Variants in STPG2 observed in about 807,000 individuals in gnomAD.
STPG2 encodes sperm tail PG-rich repeat containing 2, also known as sperm-tail PG-rich repeat-containing protein 2.
STPG2 carries 56 observed loss-of-function variants against 54.2 expected under a neutral mutation model. The ratio of observed to expected loss-of-function variants is 1.03; its 90% confidence interval spans 0.83 to 1.29. The LOEUF is 1.29. Among genes scored for constraint, STPG2 ranks in the 50% most tolerant of loss-of-function variants. STPG2 has a pLI of 0.00. For synonymous variants in STPG2, 200 were observed against 181.8 expected (o/e 1.10, Z -0.81); for missense variants, 596 against 544.9 (o/e 1.09, Z -0.93).
chr4:98,066,245 T>C (rs1737831732), intron 5 of STPG2, among the ~76,000 whole-genome samples: 3 of 152,198 alleles, frequency 2.0e-5, no homozygotes, highest in African/African-American at 7.2e-5. Context: ...ATATAGTATG[T>C]ATTAATGCAT....
chr4:97,537,258 C>T (rs554037105), intron 4 of STPG2, among the ~76,000 whole-genome samples: 8 of 152,256 alleles, frequency 5.3e-5, no homozygotes, highest in South Asian at 4.1e-4. Context: ...TCACCTCACC[C>T]GGGAAGCACA....
intron 5 of STPG2, among the ~76,000 whole-genome samples, chr4:98,005,867 A>G (rs1009402528): frequency 4.6e-5 from 7 of 152,180 alleles, no homozygotes; most frequent in Non-Finnish European, 7.3e-5. Flanking sequence ...TGCTATCAGG[A>G]TAATTCTGGG....
chr4:97,806,821 G>T (rs540628164), intron 9 of STPG2, among the ~76,000 whole-genome samples: 1 of 152,184 alleles, frequency 6.6e-6, no homozygotes, highest in African/African-American at 2.4e-5. Context: ...AAATTGCTAA[G>T]CCTTTATCTT....
chr4:98,128,500 A>G lies in STPG2; in HGVS notation c.315T>C (p.Asp105=). The change falls in exon 3 of 11, where the codon GAT becomes GAC. Residue 105 remains aspartate, a synonymous_variant. Transcript: ENST00000295268. ...GKSYGYHIND[D]GSIIKCFPPA... is the part of the protein sequence containing the mutation. Reference sequence around the variant, plus strand: ...GTGGAAAACATTTTATAATACTGCCATCATCATTAATATGATAACCATATG... The same window carrying G: ...GTGGAAAACATTTTATAATACTGCCGTCATCATTAATATGATAACCATATG... The G allele has an allele frequency of 6.2e-7, 1 of 1,613,696 alleles. No individual in the cohort carries two copies. Among genetic ancestry groups the G allele is most frequent in the Admixed American group, 1.7e-5 (1 of 59,992 alleles).
At chr4:97,776,581 G>T (rs111825244) in intron 9 of STPG2, among the ~76,000 whole-genome samples, 1,893 of 152,250 alleles carry the variant, frequency 0.012, 35 homozygotes, top group African/African-American at 0.043. Context: ...ACAGTAAAGA[G>T]AACAAAGTTC....
chr4:97,811,673 TG>T (rs1233810204), intron 9 of STPG2, among the ~76,000 whole-genome samples: 9 of 150,902 alleles, frequency 6.0e-5, no homozygotes, highest in Admixed American at 5.2e-4. Context: ...GGAGAATATG[TG>T]GTAATAAAGT....
At chr4:97,980,588 A>C (rs1228800645) in intron 6 of STPG2, among the ~76,000 whole-genome samples, 1 of 152,126 alleles carries the variant, frequency 6.6e-6, no homozygotes, top group Non-Finnish European at 1.5e-5. Context: ...TGAATAACAG[A>C]CCCATCTGAG....
chr4:97,934,549 T>A (rs1732676953), intron 8 of STPG2, among the ~76,000 whole-genome samples: 2 of 152,186 alleles, frequency 1.3e-5, no homozygotes, highest in Non-Finnish European at 2.9e-5. Context: ...ATACCTAGTT[T>A]ATTGAGGGTT....
At chr4:97,484,732 A>T (rs1447025217) in intron 4 of STPG2, among the ~76,000 whole-genome samples, 2 of 151,668 alleles carry the variant, frequency 1.3e-5, no homozygotes, top group African/African-American at 4.8e-5. Flanking sequence ...TCACCTTAAT[A>T]CCAACCAGGA....
intron 8 of STPG2, among the ~76,000 whole-genome samples, chr4:97,881,075 T>A (rs1730353160): frequency 6.6e-6 from 1 of 150,722 alleles, no homozygotes; most frequent in Non-Finnish European, 1.5e-5. Context: ...ATAAAGGAAG[T>A]GGGCATACAT....
chr4:97,981,849 ATATAT>A (rs1734690165), intron 5 of STPG2, among the ~76,000 whole-genome samples: 1 of 147,838 alleles, frequency 6.8e-6, no homozygotes, highest in African/African-American at 2.5e-5. Flanking sequence ...ATATATATAT[ATATAT>A]AACTATAAAT....
chr4:97,590,480 A>T (rs1397123994), intron 10 of STPG2, among the ~76,000 whole-genome samples: 2 of 152,076 alleles, frequency 1.3e-5, no homozygotes, highest in Non-Finnish European at 2.9e-5. Context: ...GTTTGTCCTA[A>T]GGGCAGGATT....
rs1187077182 is a variant in STPG2, at chr4:97,487,850, A to AT, written c.462+224848dup. ...AGCTATAAATGAGTAAAATGCACCAATTTATAGGAAAGTTTTTTGTTTATT... is the reference window on the plus strand; with the variant it reads ...AGCTATAAATGAGTAAAATGCACCAATTTTATAGGAAAGTTTTTTGTTTATT... On this transcript the variant is annotated intron_variant, in intron 4 of 4. Transcript: ENST00000522676. Among the ~76,000 whole-genome samples the AT allele has an allele frequency of 3.3e-5, 5 of 151,660 alleles. No homozygotes were observed. The East Asian group carries it at 7.8e-4, about 24-fold the overall frequency.
At chr4:97,921,814 A>T (rs1388137172) in intron 8 of STPG2, among the ~76,000 whole-genome samples, 1 of 152,210 alleles carries the variant, frequency 6.6e-6, no homozygotes, top group Non-Finnish European at 1.5e-5. Context: ...AAAGTGGCAC[A>T]TATATACAAT....
At position 97,464,460 on chromosome 4, in the gene STPG2, A is replaced by C. The variant is rs1414017849; in HGVS notation, c.462+248239T>G. 2.0e-5 allele frequency among the ~76,000 whole-genome samples: 3 copies of C among 152,132 alleles called. No individual in the cohort carries two copies. The East Asian group carries it at 5.8e-4, about 29-fold the overall frequency. On this transcript the variant is annotated intron_variant, in intron 4 of 4. Transcript: ENST00000522676. ...AGCAGTTCACCCAGCTCTGTCACCC[A>C]GGTTGGAGTGCAGTGGTGTGATCTT...
intron 5 of STPG2, among the ~76,000 whole-genome samples, chr4:98,069,164 T>C (rs1385808492): frequency 1.3e-5 from 2 of 152,114 alleles, no homozygotes; most frequent in East Asian, 3.8e-4. Context: ...ATATTGATCA[T>C]AAGCTGTAAA....
chr4:98,025,818 ATTTG>A, intron 5 of STPG2: 1 of 1,592,416 alleles, frequency 6.3e-7, no homozygotes, highest in South Asian at 1.1e-5. Context: ...TTTACCTGCT[ATTTG>A]GATGCAGGCC....
At chr4:97,681,007 T>G (rs1254917665) in intron 10 of STPG2, among the ~76,000 whole-genome samples, 1 of 152,000 alleles carries the variant, frequency 6.6e-6, no homozygotes, top group Non-Finnish European at 1.5e-5. Flanking sequence ...TTTTTATTTA[T>G]GTTATTTGTG....
chr4:97,952,169 C>T (rs1733496941), intron 7 of STPG2, among the ~76,000 whole-genome samples: 1 of 152,090 alleles, frequency 6.6e-6, no homozygotes, highest in South Asian at 2.1e-4. Context: ...AAGGTGCATC[C>T]TCCAGGATGC....
Sources: gnomAD v4.1 joint callset for allele counts (sites outside exome capture counted in the v4.1 genomes callset) on GRCh38, gnomAD v4.1.1 for gene constraint, MANE v1.5 for transcripts, NCBI Gene and HGNC (gene_info 2026-07-23, HGNC 2026-07-21) for gene names.